Variants in EYA4 observed in about 807,000 individuals in gnomAD.
The protein encoded by EYA4 is EYA transcriptional coactivator and phosphatase 4.
EYA4 carries 31 observed loss-of-function variants against 87.9 expected under a neutral mutation model. That is an observed-to-expected ratio of 0.35 (90% CI 0.27 to 0.48). The LOEUF (loss-of-function observed/expected upper bound fraction) is 0.48. Among genes scored for constraint, EYA4 ranks in the 20% least tolerant of loss-of-function variants. EYA4 has a pLI of 0.99. For missense variants in EYA4, 678 were observed against 761.4 expected, an observed-to-expected ratio of 0.89 and a Z score of 1.29; for synonymous variants, 263 against 270.6, an observed-to-expected ratio of 0.97 and a Z score of 0.28.
At chr6:133,466,240 T>C (rs1474306009) in intron 10 of EYA4, among the ~76,000 whole-genome samples, 1 of 152,128 alleles carries the variant, frequency 6.6e-6, no homozygotes, top group Non-Finnish European at 1.5e-5. Context: ...CTGCCTCTAT[T>C]TGGGAGGATT....
At chr6:133,275,534 C>T (rs928887437) in intron 2 of EYA4, among the ~76,000 whole-genome samples, 1 of 149,380 alleles carries the variant, frequency 6.7e-6, no homozygotes, top group African/African-American at 2.5e-5. Context: ...GTTCTGCAGT[C>T]TGATGCTGTT....
chr6:133,442,134 A>G (rs941289276), intron 3 of EYA4, among the ~76,000 whole-genome samples: 11 of 152,110 alleles, frequency 7.2e-5, no homozygotes, highest in Non-Finnish European at 1.5e-4. Context: ...CACTTGGGTC[A>G]TAAACAGGTC....
At chr6:133,288,895 G>A (rs900440884) in intron 2 of EYA4, among the ~76,000 whole-genome samples, 1 of 152,136 alleles carries the variant, frequency 6.6e-6, no homozygotes, top group African/African-American at 2.4e-5. Flanking sequence ...GAAAGAGATT[G>A]TTTCATTTCT....
intron 3 of EYA4, among the ~76,000 whole-genome samples, chr6:133,396,963 A>G (rs1198784913): frequency 1.3e-5 from 2 of 152,228 alleles, no homozygotes; most frequent in Non-Finnish European, 2.9e-5. Context: ...TTTTCATCAG[A>G]GGAAGATACT....
At chr6:133,262,884 T>C (rs1187576717) in intron 1 of EYA4, among the ~76,000 whole-genome samples, 1 of 152,240 alleles carries the variant, frequency 6.6e-6, no homozygotes, top group Non-Finnish European at 1.5e-5. Context: ...TTACTATTCA[T>C]CCAGATCTGT....
At chr6:133,410,387 A>T (rs1789104680) in intron 3 of EYA4, among the ~76,000 whole-genome samples, 1 of 151,988 alleles carries the variant, frequency 6.6e-6, no homozygotes. Context: ...TAAAGTGAAC[A>T]GCATTGTAGG....
intron 3 of EYA4, among the ~76,000 whole-genome samples, chr6:133,401,646 T>G (rs1370122300): frequency 6.6e-6 from 1 of 152,196 alleles, no homozygotes; most frequent in Non-Finnish European, 1.5e-5. Context: ...TCTTTTAGCT[T>G]CATCGTTTAA....
chr6:133,389,364 C>A (rs1787060686), intron 3 of EYA4, among the ~76,000 whole-genome samples: 1 of 152,174 alleles, frequency 6.6e-6, no homozygotes, highest in Admixed American at 6.5e-5. Flanking sequence ...GTACCATGTT[C>A]TTCTCCTTCA....
chr6:133,429,323 A>AG (rs369959471), intron 3 of EYA4, among the ~76,000 whole-genome samples: 5,201 of 152,284 alleles, frequency 0.034, 259 homozygotes, highest in African/African-American at 0.1. Context: ...GAGACAGTTA[A>AG]TGCATAGCAG....
intron 2 of EYA4, among the ~76,000 whole-genome samples, chr6:133,306,197 C>T (rs547113483): frequency 6.6e-6 from 1 of 152,238 alleles, no homozygotes; most frequent in Admixed American, 6.5e-5. Context: ...AAAAGAGAGG[C>T]TAAATGACCA....
intron 2 of EYA4, among the ~76,000 whole-genome samples, chr6:133,368,752 A>G (rs1363663874): frequency 6.6e-6 from 1 of 152,138 alleles, no homozygotes; most frequent in Non-Finnish European, 1.5e-5. Flanking sequence ...TGGGCTGACC[A>G]TGTGCTGCAG....
intron 13 of EYA4, among the ~76,000 whole-genome samples, chr6:133,484,256 T>C (rs1267748060): frequency 1.3e-5 from 2 of 152,232 alleles, no homozygotes; most frequent in South Asian, 4.1e-4. Context: ...TTCCTTTACA[T>C]ATCACGCTTA....
chr6:133,303,807 G>A (rs1418377296), intron 2 of EYA4, among the ~76,000 whole-genome samples: 1 of 152,128 alleles, frequency 6.6e-6, no homozygotes, highest in Non-Finnish European at 1.5e-5. Context: ...TATTGCCTCA[G>A]CCTGAAGTGG....
At chr6:133,396,455 C>T (rs778004520) in intron 3 of EYA4, among the ~76,000 whole-genome samples, 4 of 152,098 alleles carry the variant, frequency 2.6e-5, no homozygotes, top group Non-Finnish European at 4.4e-5. Context: ...TGCGCCACAC[C>T]CTGCTCGGTG....
intron 14 of EYA4, among the ~76,000 whole-genome samples, chr6:133,508,884 C>T (rs1440397575): frequency 2.0e-5 from 3 of 152,142 alleles, no homozygotes; most frequent in African/African-American, 7.2e-5. Flanking sequence ...ACTTTCTCTT[C>T]TCTGAGTATA....
chr6:133,264,095 C>T (rs915784685), intron 1 of EYA4, among the ~76,000 whole-genome samples: 1 of 152,216 alleles, frequency 6.6e-6, no homozygotes, highest in Non-Finnish European at 1.5e-5. Context: ...GACTCATGTA[C>T]AGGTCCCGGG....
intron 18 of EYA4, 30 bp downstream of exon 18, chr6:133,523,207 A>T (rs1271704469): frequency 1.9e-6 from 3 of 1,606,996 alleles, no homozygotes; most frequent in Non-Finnish European, 2.6e-6. Context: ...CTCTGTATGG[A>T]ATGTGTCCAC....
intron 2 of EYA4, among the ~76,000 whole-genome samples, chr6:133,324,904 A>ATTT (rs756478373): frequency 0.022 from 1,847 of 83,564 alleles, 146 homozygotes; most frequent in African/African-American, 0.047. Context: ...TTCAGAAGCT[A>ATTT]TTTTTTTTTT....
chr6:133,324,041 T>C (rs920333502), intron 2 of EYA4, among the ~76,000 whole-genome samples: 2 of 152,164 alleles, frequency 1.3e-5, no homozygotes, highest in African/African-American at 2.4e-5. Flanking sequence ...TTGAGTATTA[T>C]TGATTTCTTC....
Sources: allele counts gnomAD v4.1 joint callset (sites outside exome capture counted in the v4.1 genomes callset), GRCh38; gene constraint gnomAD v4.1.1; transcripts MANE v1.5; gene names NCBI Gene and HGNC (gene_info 2026-07-23, HGNC 2026-07-21).